The following PLCB1 variants were observed in gnomAD, a reference collection of about 807,000 sequenced individuals.
PLCB1 encodes phospholipase C beta 1.
PLCB1 carries 46 observed loss-of-function variants against 161.8 expected under a neutral mutation model. The observed-to-expected ratio is 0.28, with a 90% confidence interval of 0.22 to 0.36. The LOEUF (loss-of-function observed/expected upper bound fraction) is 0.36, where lower values mean the gene tolerates loss of function less well. Among genes scored for constraint, PLCB1 ranks in the 10% least tolerant of loss-of-function variants. The pLI, the probability that PLCB1 is intolerant of heterozygous loss-of-function variation, is 1.00. For synonymous variants in PLCB1, 517 were observed against 503.7 expected, an observed-to-expected ratio of 1.03 and a Z score of -0.35; for missense variants, 1,016 against 1,472.5, an observed-to-expected ratio of 0.69 and a Z score of 5.07.
At chr20:8,455,753 T>C (rs959586546) in intron 3 of PLCB1, among the ~76,000 whole-genome samples, 1 of 152,110 alleles carries the variant, frequency 6.6e-6, no homozygotes, top group African/African-American at 2.4e-5. Context: ...GAGCACATGG[T>C]TGGGAGAATG....
intron 2 of PLCB1, among the ~76,000 whole-genome samples, chr20:8,287,296 T>C (rs2123295124): frequency 6.6e-6 from 1 of 152,326 alleles, no homozygotes; most frequent in South Asian, 2.1e-4. Context: ...ATATAATATA[T>C]ACATGTACAT....
In PLCB1 at chr20:8,442,976, T is replaced by G. The variant is rs538538537; in HGVS notation, c.246+71526T>G. On this transcript the variant is annotated intron_variant, in intron 3 of 31. Transcript: ENST00000338037. ...TAAAATTATCTTGTGAGTTTCTTGT[T>G]TTTTTTTTTGTTTTTTTTTTTGAGA... Among the ~76,000 whole-genome samples, 38 of 149,070 alleles carry G rather than the reference T, an allele frequency of 2.5e-4. 1 individual carries two copies. The highest frequency in any genetic ancestry group is 1.3e-3 in the South Asian group (6 of 4,720).
chr20:8,742,022 T>G (rs1002132624), intron 23 of PLCB1, among the ~76,000 whole-genome samples: 1 of 152,172 alleles, frequency 6.6e-6, no homozygotes, highest in Non-Finnish European at 1.5e-5. Context: ...GTATGAGTCA[T>G]AAAGAGTCTA....
At chr20:8,523,467 T>C (rs1174673484) in intron 3 of PLCB1, among the ~76,000 whole-genome samples, 1 of 57,502 alleles carries the variant, frequency 1.7e-5, no homozygotes. Context: ...TATATTTGGC[T>C]CTCTCTCTCT....
chr20:8,883,031 A>G lies in PLCB1; in HGVS notation c.*1182A>G, dbSNP rs1234612647. ...AACATCGAGATTACATGGATGTTAA[A>G]TTATATGGAGACGCTAAGAAATAAT... On this transcript the variant is annotated 3_prime_UTR_variant, in exon 32 of 32. Transcript: ENST00000338037. 1 of 152,644 alleles carries G rather than the reference A, an allele frequency of 6.6e-6. No homozygotes were observed. The highest frequency in any genetic ancestry group is 1.5e-5 in the Non-Finnish European group (1 of 68,032). 9.5% of individuals were successfully genotyped at this position (152,644 alleles called of 1,614,324 possible).
chr20:8,542,582 G>A (rs946731008), intron 3 of PLCB1, among the ~76,000 whole-genome samples: 5 of 152,212 alleles, frequency 3.3e-5, no homozygotes, highest in African/African-American at 1.2e-4. Flanking sequence ...AATGTTGAGA[G>A]CGGGGGAGAA....
chr20:8,534,890 G>A (rs1007161958), intron 3 of PLCB1, among the ~76,000 whole-genome samples: 1 of 152,020 alleles, frequency 6.6e-6, no homozygotes, highest in Non-Finnish European at 1.5e-5. Context: ...GTGGGGAGCA[G>A]GAAGCCTACA....
intron 2 of PLCB1, among the ~76,000 whole-genome samples, chr20:8,343,361 G>A (rs1272538649): frequency 1.3e-5 from 2 of 152,164 alleles, no homozygotes; most frequent in Non-Finnish European, 2.9e-5. Flanking sequence ...AGGCCCTATG[G>A]CAAGATATTC....
chr20:8,263,561 T>G (rs901155926), intron 2 of PLCB1, among the ~76,000 whole-genome samples: 1 of 152,174 alleles, frequency 6.6e-6, no homozygotes, highest in African/African-American at 2.4e-5. Context: ...TGATATTGTG[T>G]GAACATCAGG....
intron 2 of PLCB1, among the ~76,000 whole-genome samples, chr20:8,308,475 G>A (rs1431278864): frequency 2.6e-5 from 4 of 151,828 alleles, no homozygotes; most frequent in African/African-American, 9.7e-5. Flanking sequence ...AAATTAGCTG[G>A]GCACGGTGGC....
At chr20:8,144,128 G>A (rs578091578) in intron 1 of PLCB1, among the ~76,000 whole-genome samples, 15 of 151,958 alleles carry the variant, frequency 9.9e-5, no homozygotes, top group Admixed American at 6.6e-5. Flanking sequence ...TGCCCTCCCC[G>A]CCACCCCAAA....
chr20:8,560,770 ATCCAG>A (rs1986116010), intron 3 of PLCB1, among the ~76,000 whole-genome samples: 1 of 152,034 alleles, frequency 6.6e-6, no homozygotes, highest in South Asian at 2.1e-4. Flanking sequence ...CATTTTTCCT[ATCCAG>A]TCTTTGACCA....
intron 3 of PLCB1, among the ~76,000 whole-genome samples, chr20:8,620,632 TG>T (rs1363349961): frequency 6.6e-6 from 1 of 150,378 alleles, no homozygotes; most frequent in Non-Finnish European, 1.5e-5. Flanking sequence ...CCCAGCTATT[TG>T]GGGGCTGAGG....
chr20:8,574,620 T>C (rs1380112647), intron 3 of PLCB1, among the ~76,000 whole-genome samples: 2 of 152,096 alleles, frequency 1.3e-5, no homozygotes, highest in Admixed American at 1.3e-4. Context: ...AGTGATGTAG[T>C]CAATAAAGGA....
rs1274123563 is a variant in PLCB1 at position 8,757,172 on chromosome 20, G to A, written c.2650G>A (p.Ala884Thr). ...CTCCCAGGCTCTCCACAGCCAGCCA[G>A]CTCCAGGTAAGCCATCTGGAAAGAG... The part of the protein sequence containing the change: ...PPSQALHSQP[A>T]PGSVKAPAKT... Residue 884 changes from alanine to threonine, a missense_variant, in exon 24 of 32, where the codon GCT (alanine) becomes ACT (threonine). Physicochemically the swap from Ala to Thr is moderately conservative, Grantham distance 58 (BLOSUM62 0). Transcript: ENST00000338037. 2 of 1,609,216 alleles carry A rather than the reference G, an allele frequency of 1.2e-6. No homozygotes were observed. The highest frequency in any genetic ancestry group is 2.2e-5 in the East Asian group (1 of 44,848).
chr20:8,293,051 G>C (rs1324939905), intron 2 of PLCB1, among the ~76,000 whole-genome samples: 1 of 152,074 alleles, frequency 6.6e-6, no homozygotes, highest in Non-Finnish European at 1.5e-5. Context: ...TTTGGTCACA[G>C]TGTGATTTGA....
At chr20:8,767,275 G>A (rs1307907195) in intron 26 of PLCB1, among the ~76,000 whole-genome samples, 2 of 152,112 alleles carry the variant, frequency 1.3e-5, no homozygotes, top group Non-Finnish European at 2.9e-5. Context: ...AGCTTCTAAC[G>A]AGCTCCTAAG....
intron 3 of PLCB1, among the ~76,000 whole-genome samples, chr20:8,384,559 C>T (rs1428317241): frequency 6.6e-6 from 1 of 152,034 alleles, no homozygotes; most frequent in East Asian, 1.9e-4. Flanking sequence ...CAGTTCTGCA[C>T]CCTTGCTGGA....
At chr20:8,230,460 T>A (rs1303195996) in intron 2 of PLCB1, among the ~76,000 whole-genome samples, 1 of 152,166 alleles carries the variant, frequency 6.6e-6, no homozygotes, top group Non-Finnish European at 1.5e-5. Flanking sequence ...ATATATACAA[T>A]GTATCATTGT....
Sources: gnomAD v4.1 joint callset for allele counts (sites outside exome capture counted in the v4.1 genomes callset) on GRCh38, gnomAD v4.1.1 for gene constraint, MANE v1.5 for transcripts, NCBI Gene and HGNC (gene_info 2026-07-23, HGNC 2026-07-21) for gene names.